The following GRXCR2 variants were observed in gnomAD, a reference collection of about 807,000 sequenced individuals.
GRXCR2 encodes the protein glutaredoxin and cysteine rich domain containing 2, also known as glutaredoxin domain-containing cysteine-rich protein 2.
GRXCR2 carries 23 observed loss-of-function variants against 24.8 expected under a neutral mutation model. The ratio of observed to expected loss-of-function variants is 0.93; its 90% CI spans 0.67 to 1.32. The LOEUF (loss-of-function observed/expected upper bound fraction) is 1.32, where lower values mean the gene tolerates loss of function less well. GRXCR2 is among the 40% of genes most tolerant of loss of function. The pLI is 0.00. For synonymous variants in GRXCR2, 130 were observed against 116.1 expected, an observed-to-expected ratio of 1.12 and a Z score of -0.77; for missense variants, 315 against 303.4, an observed-to-expected ratio of 1.04 and a Z score of -0.28.
intron 2 of GRXCR2, among the ~76,000 whole-genome samples, chr5:145,880,510 A>G (rs1745922295): frequency 6.6e-6 from 1 of 152,168 alleles, no homozygotes; most frequent in Non-Finnish European, 1.5e-5. Flanking sequence ...GAATAGACCA[A>G]TAACAGACTC....
chr5:145,863,843 C>T (rs1756383008), intron 2 of GRXCR2, among the ~76,000 whole-genome samples: 1 of 152,112 alleles, frequency 6.6e-6, no homozygotes, highest in African/African-American at 2.4e-5. Context: ...TGGCCAAAGA[C>T]TTCTTACCAG....
At chr5:145,875,767 C>A (rs996185059), upstream of GRXCR2, among the ~76,000 whole-genome samples, 2 of 152,120 alleles carry the variant, frequency 1.3e-5, no homozygotes, top group African/African-American at 4.8e-5. Flanking sequence ...CTGGGACACA[C>A]CATCAATGAA....
intron 2 of GRXCR2, among the ~76,000 whole-genome samples, chr5:145,929,747 A>G (rs1757454887): frequency 6.6e-6 from 1 of 152,234 alleles, no homozygotes; most frequent in South Asian, 2.1e-4. Flanking sequence ...TAGAGGAAAG[A>G]ATACAAACAT....
upstream of GRXCR2, among the ~76,000 whole-genome samples, chr5:145,873,830 C>T (rs1756571176): frequency 6.6e-6 from 1 of 152,228 alleles, no homozygotes; most frequent in Non-Finnish European, 1.5e-5. Context: ...ATGCCTGACA[C>T]TGAACTAGTG....
At chr5:145,925,391 C>T (rs1266575750) in intron 2 of GRXCR2, among the ~76,000 whole-genome samples, 1 of 152,116 alleles carries the variant, frequency 6.6e-6, no homozygotes, top group African/African-American at 2.4e-5. Flanking sequence ...GAAATTTATT[C>T]CTTATGACAA....
chr5:145,928,837 G>C (rs2149931081), intron 2 of GRXCR2, among the ~76,000 whole-genome samples: 1 of 151,656 alleles, frequency 6.6e-6, no homozygotes, highest in African/African-American at 2.4e-5. Flanking sequence ...CACCAACATG[G>C]CACATGTATA....
intron 2 of GRXCR2, among the ~76,000 whole-genome samples, chr5:145,894,311 C>CA (rs1217072211): frequency 1.3e-5 from 2 of 151,644 alleles, no homozygotes; most frequent in African/African-American, 2.4e-5. Flanking sequence ...AATAGAGACA[C>CA]AAAAACCCTT....
intron 2 of GRXCR2, among the ~76,000 whole-genome samples, chr5:145,889,801 G>C (rs534104273): frequency 1.1e-3 from 162 of 152,218 alleles, no homozygotes; most frequent in African/African-American, 3.5e-3. Flanking sequence ...CCAAGACAAG[G>C]TTGAAAATCA....
At chr5:145,918,790 TTTAC>T (rs1330479734) in intron 2 of GRXCR2, among the ~76,000 whole-genome samples, 1 of 152,158 alleles carries the variant, frequency 6.6e-6, no homozygotes, top group Admixed American at 6.5e-5. Flanking sequence ...TTACTGCCCA[TTTAC>T]AAGTCCTTAT....
intron 2 of GRXCR2, among the ~76,000 whole-genome samples, chr5:145,881,352 A>G (rs1304009072): frequency 2.0e-5 from 3 of 152,148 alleles, no homozygotes; most frequent in Non-Finnish European, 2.9e-5. Context: ...CAAAATCAAT[A>G]TGCAAAAATC....
intron 2 of GRXCR2, among the ~76,000 whole-genome samples, chr5:145,881,327 CAA>C (rs1756697859): frequency 6.6e-6 from 1 of 152,206 alleles, no homozygotes. Context: ...GCAACTTCAG[CAA>C]AGTCTCAGGA....
At chr5:145,893,687 G>T (rs1309596490) in intron 2 of GRXCR2, among the ~76,000 whole-genome samples, 1 of 152,154 alleles carries the variant, frequency 6.6e-6, no homozygotes, top group Middle Eastern at 3.2e-3. Flanking sequence ...AATAATGGGA[G>T]ACTTTAACAC....
At chr5:145,916,137 C>T (rs1549903) in intron 2 of GRXCR2, among the ~76,000 whole-genome samples, 56,674 of 151,856 alleles carry the variant, frequency 0.37, 11,570 homozygotes, top group East Asian at 0.7. Context: ...CTGCTCAGAG[C>T]CCCTGCTTCT....
chr5:145,864,739 T>C (rs1471321879), intron 2 of GRXCR2, among the ~76,000 whole-genome samples: 1 of 152,152 alleles, frequency 6.6e-6, no homozygotes, highest in Non-Finnish European at 1.5e-5. Context: ...TGTGAGTCAA[T>C]TAAACCTCCT....
At chr5:145,889,238 A>AAGAAAGAAAGAAAGAAAGAAAGAG (rs1201131471) in intron 2 of GRXCR2, among the ~76,000 whole-genome samples, 11 of 149,032 alleles carry the variant, frequency 7.4e-5, no homozygotes, top group Admixed American at 1.3e-4. Context: ...GAAAGAAAGA[A>AAGAAAGAAAGAAAGAAAGAAAGAG]AGAAAGAATT....
intron 2 of GRXCR2, among the ~76,000 whole-genome samples, chr5:145,892,576 T>G (rs1756884882): frequency 6.6e-6 from 1 of 151,946 alleles, no homozygotes. Context: ...AAGAGAAGTT[T>G]AGAGAAAAAA....
intron 2 of GRXCR2, among the ~76,000 whole-genome samples, chr5:145,885,197 GTTA>G (rs1756761445): frequency 6.6e-6 from 1 of 151,910 alleles, no homozygotes; most frequent in Admixed American, 6.6e-5. Flanking sequence ...ACGGCAGAAG[GTTA>G]TTATAGTTAT....
At position 145,859,531 on chromosome 5, in the gene GRXCR2, A is replaced by G. The variant is rs1334198466; in HGVS notation, c.*202T>C. The G allele has an allele frequency of 1.7e-6, 1 of 600,388 alleles. No individual in the cohort carries two copies. The highest frequency in any genetic ancestry group is 3.0e-6 in the Non-Finnish European group (1 of 333,118). The allele number at this position is 600,388 out of a possible 1,614,324, so 37.2% of individuals were successfully genotyped here. A position where few individuals can be genotyped will look rare whatever the true frequency, so the allele number is the denominator to read the frequency against. On this transcript the variant is annotated 3_prime_UTR_variant, in exon 3 of 3. Coordinates refer to ENST00000377976, the MANE Select transcript of GRXCR2 (RefSeq NM_001080516.2). ...GTTTCAAAGCAGACTATAATTCAGA[A>G]ATGCCCCTGCCACTTAGACCCACAG... is the stretch of plus-strand genomic sequence containing the variant.
chr5:145,884,202 G>A (rs887695733), intron 2 of GRXCR2, among the ~76,000 whole-genome samples: 4 of 152,086 alleles, frequency 2.6e-5, no homozygotes, highest in African/African-American at 9.7e-5. Flanking sequence ...AGAGAATAGA[G>A]GAATGGTTAA....
Sources: allele counts gnomAD v4.1 joint callset (sites outside exome capture counted in the v4.1 genomes callset), GRCh38; gene constraint gnomAD v4.1.1; transcripts MANE v1.5; gene names NCBI Gene and HGNC (gene_info 2026-07-23, HGNC 2026-07-21).